ANKRD35: variants seen among roughly 807,000 people sequenced by gnomAD.
The protein encoded by ANKRD35 is ankyrin repeat domain-containing protein 35.
ANKRD35 carries 102 observed loss-of-function variants against 109.9 expected under a neutral mutation model. The observed-to-expected ratio is 0.93, with a 90% CI of 0.79 to 1.09. ANKRD35 has a LOEUF of 1.09. ANKRD35 is among the 50% of genes least tolerant of loss of function. ANKRD35 has a pLI of 0.00. For missense variants in ANKRD35, 1,240 were observed against 1,230.1 expected (o/e 1.01, Z -0.12); for synonymous variants, 515 against 512.4 (o/e 1.01, Z -0.07).
At chr1:145,866,996 T>C (rs1418027709) in intron 13 of ANKRD35, among the ~76,000 whole-genome samples, 2 of 152,116 alleles carry the variant, frequency 1.3e-5, no homozygotes, top group Non-Finnish European at 2.9e-5. Context: ...TGTCTACCAC[T>C]ATCCTACCAT....
chr1:145,878,606 TC>T, intron 2 of ANKRD35, 127 bp from the exon 3 acceptor site: 1 of 806,842 alleles, frequency 1.2e-6, no homozygotes, highest in South Asian at 1.8e-5. Flanking sequence ...GAAAAGAAGC[TC>T]CCCTAGCTTG....
At position 145,873,801 on chromosome 1, in the gene ANKRD35, C is replaced by T. The variant is rs782510695; in HGVS notation, c.968G>A (p.Cys323Tyr). The change falls in exon 10 of 14, where the codon TGT becomes TAT. Residue 323 changes from cysteine (C) to tyrosine (Y), a missense_variant. Physicochemically the swap from Cys to Tyr is radical, Grantham distance 194. Coordinates refer to ENST00000355594, the MANE Select transcript of ANKRD35 (RefSeq NM_144698.5). Reference protein sequence around the residue: ...EQELVQKTEECKTQAAAYLDL... With the variant: ...EQELVQKTEEYKTQAAAYLDL... ...CAGATAGGCTGCAGCTTGAGTCTTA[C>T]ACTCTTCTGTCTTTTGCACCAGCTC... is the stretch of plus-strand genomic sequence containing the variant. 2 of 1,608,910 alleles carry T rather than the reference C, an allele frequency of 1.2e-6. No individual in the cohort carries two copies. Among genetic ancestry groups the T allele is most frequent in the Admixed American group, 3.4e-5 (2 of 58,776 alleles).
chr1:145,873,890 C>T lies in ANKRD35; in HGVS notation c.879G>A (p.Pro293=), dbSNP rs782512163. Residue 293 remains proline, a synonymous_variant, in exon 10 of 14, where the codon CCG becomes CCA. Transcript: ENST00000355594. ...ACTTCCACCTCCACTCCTCCGAGCA[C>T]GGGTCTTCATCCTCCTTCTCCTCTT... ...EEQEEKEDED[P]CSEEWRWKYE... 2.0e-5 allele frequency: 33 copies of T among 1,614,170 alleles called. No homozygotes were observed. Among genetic ancestry groups the T allele is most frequent in the South Asian group, 4.4e-5 (4 of 91,072 alleles).
At position 145,876,219 on chromosome 1, in the gene ANKRD35, A is replaced by G; in HGVS notation, c.481T>C (p.Ser161Pro). Residue 161 changes from serine (S) to proline (P), a missense_variant, in exon 7 of 14, where the codon TCG becomes CCG. Ser to Pro is a moderately conservative substitution (Grantham distance 74). Transcript: ENST00000355594. Reference sequence around the variant, plus strand: ...CAGATAGCTGCGTGCCCACCCAGCGATGCGATCATCAGGGGTGTACGTCCA... The same window carrying G: ...CAGATAGCTGCGTGCCCACCCAGCGGTGCGATCATCAGGGGTGTACGTCCA... Reference protein sequence around the residue: ...NDGRTPLMIASLGGHAAICSQ... With the variant: ...NDGRTPLMIAPLGGHAAICSQ... 1.2e-6 allele frequency: 2 copies of G among 1,613,992 alleles called. No individual in the cohort carries two copies. Among genetic ancestry groups the G allele is most frequent in the Non-Finnish European group, 1.7e-6 (2 of 1,179,962 alleles).
In ANKRD35 at chr1:145,873,043, C is replaced by T. The variant is rs782511327; in HGVS notation, c.1726G>A (p.Gly576Arg). 13 of 1,611,792 alleles carry T rather than the reference C, an allele frequency of 8.1e-6. No individual in the cohort carries two copies. The highest frequency in any genetic ancestry group is 2.7e-5 in the African/African-American group (2 of 74,874). Reference protein sequence around the residue: ...SREGALKAAPGSIKQDEEKEK... With the variant: ...SREGALKAAPRSIKQDEEKEK... ...TTCTCTTCATCCTGTTTGATGCTCC[C>T]TGGGGCTGCCTTTAGGGCTCCCTCT... is the stretch of plus-strand genomic sequence containing the variant. The change falls in exon 10 of 14, where the codon GGG becomes AGG. Residue 576 changes from glycine to arginine, a missense_variant. By Grantham distance (125) the Gly-to-Arg change is moderately radical (BLOSUM62 -2). Transcript: ENST00000355594.
At chr1:145,869,552 T>A (rs1003152057) in intron 10 of ANKRD35, among the ~76,000 whole-genome samples, 2 of 152,130 alleles carry the variant, frequency 1.3e-5, no homozygotes, top group Non-Finnish European at 2.9e-5. Context: ...CTCAGCTCAC[T>A]GCAACCTCTA....
rs757859691 is a variant in ANKRD35 at position 145,872,084 on chromosome 1, G to A, written c.2685C>T (p.Ala895=). Residue 895 remains alanine (A), a synonymous_variant, in exon 10 of 14, where the codon GCC becomes GCT. Coordinates refer to ENST00000355594, the MANE Select transcript of ANKRD35 (RefSeq NM_144698.5). ...AAQAAEQERQ[A]SEMRGRSEQF... is the part of the protein sequence containing the mutation. ...GCTCGGAGCGCCCCCGCATCTCGCTGGCCTGGCGCTCTTGTTCGGCTGCCT... is the reference window on the plus strand; with the variant it reads ...GCTCGGAGCGCCCCCGCATCTCGCTAGCCTGGCGCTCTTGTTCGGCTGCCT... The A allele has an allele frequency of 4.3e-6, 7 of 1,613,344 alleles. No homozygotes were observed. Among genetic ancestry groups the A allele is most frequent in the Admixed American group, 3.3e-5 (2 of 60,008 alleles).
chr1:145,883,967 G>A (rs774600564), intron 1 of ANKRD35, among the ~76,000 whole-genome samples: 84 of 152,166 alleles, frequency 5.5e-4, no homozygotes, highest in Non-Finnish European at 1.1e-3. Flanking sequence ...TTTAGAATGG[G>A]TGGTCATTCT....
In ANKRD35 at chr1:145,879,355, G is replaced by A; in HGVS notation, c.73C>T (p.Leu25=). 1 of 1,600,508 alleles carries A rather than the reference G, an allele frequency of 6.2e-7. No homozygotes were observed. Among genetic ancestry groups the A allele is most frequent in the Admixed American group, 1.7e-5 (1 of 58,162 alleles). Residue 25 remains leucine (L), a synonymous_variant, in exon 2 of 14, where the codon CTG becomes TTG. Transcript: ENST00000355594. Reference sequence around the variant, plus strand: ...ACATCCCCCCTGTGCACTGCCTCCAGCAGCTTCTGATCATGGCGGTTCCAT... The same window carrying A: ...ACATCCCCCCTGTGCACTGCCTCCAACAGCTTCTGATCATGGCGGTTCCAT... ...ERWNRHDQKL[L]EAVHRGDVGR...
At chr1:145,877,681 C>T (rs782091430) in intron 4 of ANKRD35, among the ~76,000 whole-genome samples, 10 of 152,200 alleles carry the variant, frequency 6.6e-5, no homozygotes, top group Admixed American at 1.3e-4. Flanking sequence ...GTCCTCCTTC[C>T]TCTTGCCCCT....
At position 145,867,400 on chromosome 1, in the gene ANKRD35, T is replaced by A. The variant is rs1553737903; in HGVS notation, c.2944-8A>T. ...TTCATGTTCCATGTAACCCTGTAGATGTCAGGAAAGGAAGAAAAGGAGATG... is the reference window on the plus strand; with the variant it reads ...TTCATGTTCCATGTAACCCTGTAGAAGTCAGGAAAGGAAGAAAAGGAGATG... On this transcript the variant is annotated splice_polypyrimidine_tract_variant and splice_region_variant and intron_variant, in intron 12 of 13. Transcript: ENST00000355594. The A allele has an allele frequency of 6.2e-7, 1 of 1,613,322 alleles. No homozygotes were observed. Among genetic ancestry groups the A allele is most frequent in the South Asian group, 1.1e-5 (1 of 91,034 alleles).
At position 145,878,380 on chromosome 1, in the gene ANKRD35, G is replaced by A. The variant is rs1357195623; in HGVS notation, c.259+11C>T. On this transcript the variant is annotated intron_variant, in intron 3 of 13. Coordinates refer to ENST00000355594, the MANE Select transcript of ANKRD35 (RefSeq NM_144698.5). Reference sequence around the variant, plus strand: ...AGCAAGCAGCGTGGCCCAGTGCTCCGGCTCACTCACCATCCTCATTCTTGC... The same window carrying A: ...AGCAAGCAGCGTGGCCCAGTGCTCCAGCTCACTCACCATCCTCATTCTTGC... 1.0e-5 allele frequency: 16 copies of A among 1,560,000 alleles called. No homozygotes were observed. Among genetic ancestry groups the A allele is most frequent in the Non-Finnish European group, 1.1e-5 (13 of 1,151,410 alleles).
chr1:145,868,077 G>A (rs1553738022), intron 11 of ANKRD35, 21 bp from the exon 12 acceptor site: 2 of 1,611,584 alleles, frequency 1.2e-6, no homozygotes, highest in East Asian at 4.5e-5. Context: ...ACATCAATGG[G>A]AAGTCACATG....
chr1:145,879,174 A>G (rs1434424127), intron 2 of ANKRD35, 84 bp downstream of exon 2: 3 of 1,398,128 alleles, frequency 2.1e-6, no homozygotes, highest in Non-Finnish European at 2.8e-6. Context: ...AGTTGTAGGC[A>G]TTCCCTGGTC....
intron 1 of ANKRD35, among the ~76,000 whole-genome samples, chr1:145,880,366 A>G (rs1291221724): frequency 2.6e-5 from 4 of 152,242 alleles, no homozygotes; most frequent in Admixed American, 2.6e-4. Flanking sequence ...GCTGCCAGAC[A>G]AATATTTCGC....
chr1:145,876,543 T>C, intron 6 of ANKRD35, 26 bp downstream of exon 6: 2 of 1,614,076 alleles, frequency 1.2e-6, no homozygotes, highest in Non-Finnish European at 1.7e-6. Context: ...TGTAGGACAC[T>C]GCCCACTTGC....
chr1:145,877,695 C>G (rs587651778), intron 4 of ANKRD35, among the ~76,000 whole-genome samples: 2 of 152,346 alleles, frequency 1.3e-5, no homozygotes, highest in African/African-American at 4.8e-5. Context: ...TGCCCCTCAT[C>G]ATAGCAGGAA....
chr1:145,884,920 G>A (rs1570811700), intron 1 of ANKRD35, among the ~76,000 whole-genome samples: 1 of 152,298 alleles, frequency 6.6e-6, no homozygotes, highest in East Asian at 1.9e-4. Context: ...AGTCCTCTGG[G>A]GAGCAGTCAG....
chr1:145,871,959 C>T, intron 10 of ANKRD35, 23 bp downstream of exon 10: 3 of 1,605,740 alleles, frequency 1.9e-6, no homozygotes, highest in South Asian at 1.1e-5. Flanking sequence ...CCAGTGCTCC[C>T]CAGGGCTACC....
Sources: gnomAD v4.1 joint callset for allele counts (sites outside exome capture counted in the v4.1 genomes callset) on GRCh38, gnomAD v4.1.1 for gene constraint, MANE v1.5 for transcripts, NCBI Gene and HGNC (gene_info 2026-07-23, HGNC 2026-07-21) for gene names.